The following DIS3L2 variants were observed in gnomAD, a reference collection of about 807,000 sequenced individuals.
DIS3L2 encodes the protein DIS3-like exonuclease 2.
In DIS3L2, 34 loss-of-function variants were observed where a neutral mutation model predicts 97.5. The observed-to-expected ratio is 0.35, with a 90% CI of 0.27 to 0.46. The LOEUF is 0.46. DIS3L2 is among the 20% of genes least tolerant of loss of function. DIS3L2 has a pLI of 1.00. For missense variants in DIS3L2, 1,038 were observed against 1,146.0 expected (o/e 0.91, Z 1.36); for synonymous variants, 435 against 445.2 (o/e 0.98, Z 0.29).
In DIS3L2 at chr2:232,203,517, A is replaced by G. The variant is rs147936112; in HGVS notation, c.1125-6809A>G. ...AGACACAGTGGCAAAATTGAGTGGA[A>G]AAGTGCTCCACAAGAGCCCTTTGGT... On this transcript the variant is annotated intron_variant, in intron 9 of 20. Transcript: ENST00000325385. Among the ~76,000 whole-genome samples the G allele has an allele frequency of 6.3e-3, 957 of 152,336 alleles. 1 individual carries two copies. The highest frequency in any genetic ancestry group is 0.024 in the South Asian group (117 of 4,824).
chr2:232,141,145 C>G (rs1690024684), intron 8 of DIS3L2, among the ~76,000 whole-genome samples: 1 of 152,116 alleles, frequency 6.6e-6, no homozygotes, highest in African/African-American at 2.4e-5. Flanking sequence ...GAAACTCTTG[C>G]AGTGGAATTC....
chr2:232,299,091 C>T (rs770798954), intron 13 of DIS3L2, among the ~76,000 whole-genome samples: 2 of 152,208 alleles, frequency 1.3e-5, no homozygotes, highest in African/African-American at 4.8e-5. Flanking sequence ...AATCTTGAAC[C>T]GTCCTTGAGT....
chr2:232,317,907 C>T (rs766114149), intron 14 of DIS3L2, among the ~76,000 whole-genome samples: 3 of 152,334 alleles, frequency 2.0e-5, no homozygotes, highest in Non-Finnish European at 2.9e-5. Context: ...CTCATTTAAT[C>T]CTCACTAGAA....
chr2:232,187,276 G>A (rs867345642), intron 9 of DIS3L2, among the ~76,000 whole-genome samples: 2 of 152,150 alleles, frequency 1.3e-5, no homozygotes, highest in Non-Finnish European at 2.9e-5. Flanking sequence ...TGAGGATGTA[G>A]TGAAATTGGA....
intron 14 of DIS3L2, among the ~76,000 whole-genome samples, chr2:232,307,289 T>G (rs1312021585): frequency 6.6e-6 from 1 of 152,192 alleles, no homozygotes; most frequent in Non-Finnish European, 1.5e-5. Flanking sequence ...ATTTAGTCCT[T>G]TAGGAAGGGA....
intron 5 of DIS3L2, among the ~76,000 whole-genome samples, chr2:232,053,081 T>A (rs1418358386): frequency 6.6e-6 from 1 of 152,234 alleles, no homozygotes; most frequent in African/African-American, 2.4e-5. Context: ...TTCATGTGCT[T>A]ATTTCTAAAT....
At chr2:232,329,785 T>TGCCCGGGGGGGGGCCCCCCC in intron 14 of DIS3L2, 28 bp from the exon 15 acceptor site, 8 of 967,116 alleles carry the variant, frequency 8.3e-6, no homozygotes, top group Non-Finnish European at 7.3e-6. Context: ...ACCCCAGCGG[T>TGCCCGGGGGGGGGCCCCCCC]CCCTCCCATC....
At chr2:231,976,972 T>C (rs1693116041) in intron 1 of DIS3L2, among the ~76,000 whole-genome samples, 1 of 152,036 alleles carries the variant, frequency 6.6e-6, no homozygotes, top group Non-Finnish European at 1.5e-5. Flanking sequence ...TTTCACCATG[T>C]TAGCCAGGAT....
intron 14 of DIS3L2, among the ~76,000 whole-genome samples, chr2:232,310,462 G>C (rs1396542144): frequency 1.3e-5 from 2 of 152,192 alleles, no homozygotes; most frequent in Non-Finnish European, 2.9e-5. Context: ...TCAGCGAAGG[G>C]AGTGTCTCTC....
chr2:232,183,121 C>G (rs971188349), intron 9 of DIS3L2, among the ~76,000 whole-genome samples: 2 of 152,136 alleles, frequency 1.3e-5, no homozygotes, highest in Non-Finnish European at 2.9e-5. Flanking sequence ...CATGTGAGAA[C>G]ATAGTAAAAA....
chr2:232,185,299 A>G (rs974809261), intron 9 of DIS3L2, among the ~76,000 whole-genome samples: 1 of 152,260 alleles, frequency 6.6e-6, no homozygotes, highest in Admixed American at 6.5e-5. Context: ...GGACAATAGT[A>G]AAATATCTAG....
intron 9 of DIS3L2, among the ~76,000 whole-genome samples, chr2:232,195,736 A>G (rs1358155546): frequency 1.3e-5 from 2 of 151,474 alleles, no homozygotes; most frequent in Admixed American, 6.6e-5. Flanking sequence ...ACAGGGATGA[A>G]CCCCCACTCC....
chr2:232,296,803 C>T (rs981604022), intron 13 of DIS3L2, among the ~76,000 whole-genome samples: 9 of 152,182 alleles, frequency 5.9e-5, no homozygotes, highest in African/African-American at 1.9e-4. Context: ...ATACAGTAGG[C>T]ATTCAATAAA....
At chr2:232,341,328 G>A (rs971621422), downstream of DIS3L2, among the ~76,000 whole-genome samples, 2 of 152,228 alleles carry the variant, frequency 1.3e-5, no homozygotes, top group Non-Finnish European at 2.9e-5. Context: ...CAGCAGTAGA[G>A]TGACATGGAT....
intron 10 of DIS3L2, among the ~76,000 whole-genome samples, chr2:232,235,805 G>C (rs543876460): frequency 2.0e-5 from 3 of 152,150 alleles, no homozygotes; most frequent in Non-Finnish European, 4.4e-5. Context: ...ATCAAAACTG[G>C]AAGTTGAGCC....
At chr2:232,207,575 T>C (rs1224927046) in intron 9 of DIS3L2, among the ~76,000 whole-genome samples, 1 of 152,214 alleles carries the variant, frequency 6.6e-6, no homozygotes, top group Non-Finnish European at 1.5e-5. Flanking sequence ...TCATGTTGCC[T>C]ACACTGTGTG....
At chr2:232,309,388 G>A (rs1695064448) in intron 14 of DIS3L2, among the ~76,000 whole-genome samples, 1 of 152,224 alleles carries the variant, frequency 6.6e-6, no homozygotes, top group Non-Finnish European at 1.5e-5. Flanking sequence ...GGATGAAAGG[G>A]GAGAGAGTAG....
chr2:232,085,846 G>A (rs147845024), intron 5 of DIS3L2, among the ~76,000 whole-genome samples: 76 of 151,762 alleles, frequency 5.0e-4, no homozygotes, highest in African/African-American at 1.5e-3. Context: ...TCCCTTTGTC[G>A]CCCAGGCTGG....
chr2:231,988,967 G>C (rs749729708), intron 1 of DIS3L2, among the ~76,000 whole-genome samples: 2 of 152,086 alleles, frequency 1.3e-5, no homozygotes, highest in Non-Finnish European at 2.9e-5. Context: ...TTGATTATAG[G>C]TTCTGAAAGT....
Sources: gnomAD v4.1 joint callset for allele counts (sites outside exome capture counted in the v4.1 genomes callset) on GRCh38, gnomAD v4.1.1 for gene constraint, MANE v1.5 for transcripts, NCBI Gene and HGNC (gene_info 2026-07-23, HGNC 2026-07-21) for gene names.